Variants in NEGR1 observed in about 807,000 individuals in gnomAD.
The protein encoded by NEGR1 is neuronal growth regulator 1, also known as IgLON family member 4.
Under a neutral mutation model 40.9 loss-of-function variants are expected in NEGR1, and 10 were observed. The observed-to-expected ratio is 0.24, with a 90% CI of 0.15 to 0.42. The LOEUF (loss-of-function observed/expected upper bound fraction) is 0.42, where lower values mean the gene tolerates loss of function less well. NEGR1 is among the 10% of genes least tolerant of loss of function. The probability of loss-of-function intolerance (pLI) is 1.00; values close to 1 mark genes in which losing one functional copy is unlikely to be tolerated. For synonymous variants in NEGR1, 185 were observed against 166.8 expected (o/e 1.11, Z -0.84); for missense variants, 352 against 438.9 (o/e 0.80, Z 1.77).
At chr1:71,416,559 G>A (rs972619179) in intron 6 of NEGR1, among the ~76,000 whole-genome samples, 1 of 151,990 alleles carries the variant, frequency 6.6e-6, no homozygotes, top group African/African-American at 2.4e-5. Flanking sequence ...TGTTCCACTT[G>A]TTACACTCTA....
intron 3 of NEGR1, among the ~76,000 whole-genome samples, chr1:71,714,650 G>A (rs1557624635): frequency 6.6e-6 from 1 of 152,162 alleles, no homozygotes; most frequent in South Asian, 2.1e-4. Context: ...AAATCCAATA[G>A]GGCAGTCATT....
chr1:72,248,619 A>ATTATTTTC (rs2100526678), intron 1 of NEGR1, among the ~76,000 whole-genome samples: 1 of 94,630 alleles, frequency 1.1e-5, no homozygotes, highest in African/African-American at 3.8e-5. Flanking sequence ...TTATTATTTT[A>ATTATTTTC]GACAGAGTCT....
At chr1:71,535,150 GA>G (rs1341343606) in intron 6 of NEGR1, among the ~76,000 whole-genome samples, 2 of 151,680 alleles carry the variant, frequency 1.3e-5, no homozygotes, top group Non-Finnish European at 3.0e-5. Flanking sequence ...TTGAAAGGTA[GA>G]AGTTTAATCA....
At chr1:71,738,742 C>A (rs1655115740) in intron 3 of NEGR1, among the ~76,000 whole-genome samples, 1 of 152,036 alleles carries the variant, frequency 6.6e-6, no homozygotes, top group Non-Finnish European at 1.5e-5. Context: ...ACCTTCCATA[C>A]CTTTGGTTCG....
chr1:71,588,195 G>A (rs1190088106), intron 6 of NEGR1, among the ~76,000 whole-genome samples: 1 of 152,086 alleles, frequency 6.6e-6, no homozygotes, highest in Non-Finnish European at 1.5e-5. Context: ...TTAAAAAACA[G>A]ACTTGGAAGA....
intron 2 of NEGR1, among the ~76,000 whole-genome samples, chr1:71,883,745 G>A (rs779036461): frequency 3.5e-4 from 42 of 120,204 alleles, no homozygotes; most frequent in Middle Eastern, 7.0e-3. Flanking sequence ...CCCACGACAG[G>A]CCCTGGTGTG....
intron 4 of NEGR1, among the ~76,000 whole-genome samples, chr1:71,674,707 C>T (rs551291642): frequency 6.6e-5 from 10 of 151,264 alleles, no homozygotes; most frequent in East Asian, 5.9e-4. Context: ...AATGTGTAGA[C>T]GAGATTGCTT....
At chr1:71,751,309 G>A (rs1655563466) in intron 3 of NEGR1, among the ~76,000 whole-genome samples, 1 of 152,072 alleles carries the variant, frequency 6.6e-6, no homozygotes, top group African/African-American at 2.4e-5. Flanking sequence ...CTAAAGCATA[G>A]AGATAGTGCT....
intron 1 of NEGR1, among the ~76,000 whole-genome samples, chr1:71,994,209 A>G (rs756129017): frequency 3.3e-5 from 5 of 152,186 alleles, no homozygotes; most frequent in African/African-American, 9.6e-5. Flanking sequence ...CCTAAAGGTG[A>G]TAAGACATTA....
chr1:71,901,763 C>A (rs1342176287), intron 2 of NEGR1, among the ~76,000 whole-genome samples: 2 of 150,532 alleles, frequency 1.3e-5, no homozygotes, highest in Non-Finnish European at 3.0e-5. Context: ...CTCTGCCTCC[C>A]GGGTTCAAGC....
intron 6 of NEGR1, among the ~76,000 whole-genome samples, chr1:71,524,315 A>AGTGTGT (rs60790381): frequency 0.14 from 19,228 of 140,466 alleles, 1,542 homozygotes; most frequent in East Asian, 0.23. Context: ...TTTAAATAGG[A>AGTGTGT]GTGTGTGTGT....
At position 71,399,278 on chromosome 1, in the gene NEGR1, A is replaced by T. The variant is rs908757343; in HGVS notation, c.*8168T>A. On this transcript the variant is annotated 3_prime_UTR_variant, in exon 7 of 7. Coordinates refer to ENST00000357731, the MANE Select transcript of NEGR1 (RefSeq NM_173808.3). The stretch of plus-strand genomic sequence containing the variant: ...GAAAAAAATTGCTTATTCAAATGTA[A>T]AAAAAAAAACCCAGTCTTTCTCCTT... The T allele has an allele frequency of 6.7e-6, 1 of 150,170 alleles. No homozygotes were observed. Among genetic ancestry groups the T allele is most frequent in the Admixed American group, 6.7e-5 (1 of 15,012 alleles). The allele number at this position is 150,170 out of a possible 1,614,324, so 9.3% of individuals were successfully genotyped here.
At chr1:71,485,395 G>C (rs1023473863) in intron 6 of NEGR1, among the ~76,000 whole-genome samples, 3 of 151,462 alleles carry the variant, frequency 2.0e-5, no homozygotes, top group African/African-American at 7.3e-5. Context: ...ATCCCCACCA[G>C]AGTGGTACAT....
intron 2 of NEGR1, among the ~76,000 whole-genome samples, chr1:71,822,964 G>A (rs1270783558): frequency 6.6e-6 from 1 of 152,046 alleles, no homozygotes; most frequent in East Asian, 1.9e-4. Context: ...TCTGAGAGGA[G>A]AGAGTGCCAT....
intron 2 of NEGR1, among the ~76,000 whole-genome samples, chr1:71,805,197 A>G (rs1657714570): frequency 6.6e-6 from 1 of 152,182 alleles, no homozygotes; most frequent in Non-Finnish European, 1.5e-5. Flanking sequence ...ATGCGTGCCC[A>G]AAACTTCATT....
chr1:71,775,616 G>A (rs970298761), intron 3 of NEGR1, among the ~76,000 whole-genome samples: 12 of 151,988 alleles, frequency 7.9e-5, no homozygotes, highest in Non-Finnish European at 1.5e-4. Flanking sequence ...AAAGTGCTGG[G>A]ATTACAGGCG....
chr1:72,118,399 C>T (rs931056978), intron 1 of NEGR1, among the ~76,000 whole-genome samples: 1 of 151,752 alleles, frequency 6.6e-6, no homozygotes, highest in African/African-American at 2.4e-5. Flanking sequence ...ACAGCAAAGA[C>T]TCCAGCAGTG....
At position 71,406,659 on chromosome 1, in the gene NEGR1, A is replaced by C. The variant is rs1401060828; in HGVS notation, c.*787T>G. 3 of 152,458 alleles carry C rather than the reference A, an allele frequency of 2.0e-5. No homozygotes were observed. The highest frequency in any genetic ancestry group is 1.5e-5 in the Non-Finnish European group (1 of 67,940). The allele number at this position is 152,458 out of a possible 1,614,324, so 9.4% of individuals were successfully genotyped here. On this transcript the variant is annotated 3_prime_UTR_variant, in exon 7 of 7. Coordinates refer to ENST00000357731, the MANE Select transcript of NEGR1 (RefSeq NM_173808.3). The stretch of plus-strand genomic sequence containing the variant: ...GAGTTAGTGTGGGGCAAAATTCTCA[A>C]ACCCCATTGTCAGTGCAGGAAGAGA...
intron 6 of NEGR1, among the ~76,000 whole-genome samples, chr1:71,571,166 A>T (rs1254493014): frequency 2.6e-5 from 4 of 152,230 alleles, no homozygotes; most frequent in Non-Finnish European, 5.9e-5. Context: ...ATAGCATTTT[A>T]TCATCACTTC....
Sources: gnomAD v4.1 joint callset for allele counts (sites outside exome capture counted in the v4.1 genomes callset) on GRCh38, gnomAD v4.1.1 for gene constraint, MANE v1.5 for transcripts, NCBI Gene and HGNC (gene_info 2026-07-23, HGNC 2026-07-21) for gene names.